PDSS2: variants seen among roughly 807,000 people sequenced by gnomAD.
PDSS2 encodes decaprenyl diphosphate synthase subunit 2, also known as all trans-polyprenyl-diphosphate synthase PDSS2.
In PDSS2, 31 loss-of-function variants were observed where a neutral mutation model predicts 44.5. The ratio of observed to expected loss-of-function variants is 0.70; its 90% CI spans 0.52 to 0.94. The LOEUF is 0.94. PDSS2 is among the 40% of genes least tolerant of loss of function. PDSS2 has a pLI of 0.00. For synonymous variants in PDSS2, 157 were observed against 180.3 expected (o/e 0.87, Z 1.03); for missense variants, 452 against 482.2 (o/e 0.94, Z 0.59).
At chr6:107,201,665 T>C (rs1772783331) in intron 6 of PDSS2, among the ~76,000 whole-genome samples, 1 of 152,188 alleles carries the variant, frequency 6.6e-6, no homozygotes, top group African/African-American at 2.4e-5. Flanking sequence ...GACACCTTTT[T>C]CTAAAAGCAG....
At chr6:107,368,853 A>G (rs1048062637) in intron 1 of PDSS2, among the ~76,000 whole-genome samples, 1 of 152,226 alleles carries the variant, frequency 6.6e-6, no homozygotes, top group Non-Finnish European at 1.5e-5. Context: ...CAAAGTGCCT[A>G]GAATAGGCAA....
Position 107,216,792 on chromosome 6 carries a change from G to C in PDSS2, c.703-4510C>G, listed in dbSNP as rs569007413. Among the ~76,000 whole-genome samples the C allele has an allele frequency of 5.3e-5, 8 of 152,184 alleles. No individual in the cohort carries two copies. The South Asian group carries it at 1.7e-3, about 32-fold the overall frequency. ...AATGAATGTGTGTGTGTTGGGGGAG[G>C]GGTGGAGAGGGACAGCAAATTTTGT... is the stretch of plus-strand genomic sequence containing the variant. On this transcript the variant is annotated intron_variant, in intron 4 of 7. Coordinates refer to ENST00000369037, the MANE Select transcript of PDSS2 (RefSeq NM_020381.4).
intron 1 of PDSS2, among the ~76,000 whole-genome samples, chr6:107,393,289 T>C (rs1008274614): frequency 6.6e-5 from 10 of 152,182 alleles, no homozygotes; most frequent in African/African-American, 2.4e-4. Flanking sequence ...TATTGTTTAA[T>C]TTCTAAATAT....
intron 7 of PDSS2, among the ~76,000 whole-genome samples, chr6:107,157,183 T>G (rs1554245808): frequency 6.6e-6 from 1 of 151,996 alleles, no homozygotes; most frequent in Non-Finnish European, 1.5e-5. Flanking sequence ...TTTCCTCCTT[T>G]ATTTATTTAT....
At chr6:107,346,889 T>C (rs1277754255) in intron 1 of PDSS2, among the ~76,000 whole-genome samples, 1 of 152,214 alleles carries the variant, frequency 6.6e-6, no homozygotes, top group African/African-American at 2.4e-5. Context: ...TTGATAGAGT[T>C]CGACCAGCAG....
chr6:107,204,166 C>T (rs558124480), intron 6 of PDSS2, among the ~76,000 whole-genome samples: 4 of 152,204 alleles, frequency 2.6e-5, no homozygotes, highest in African/African-American at 9.6e-5. Context: ...TGGTCTCGAT[C>T]TCCTGACCTC....
intron 7 of PDSS2, among the ~76,000 whole-genome samples, chr6:107,175,325 T>G (rs1771751629): frequency 6.6e-6 from 1 of 152,164 alleles, no homozygotes; most frequent in Non-Finnish European, 1.5e-5. Context: ...TTATTTTCAT[T>G]TTACAAAGGA....
intron 2 of PDSS2, among the ~76,000 whole-genome samples, chr6:107,276,497 T>C (rs1775789059): frequency 6.6e-6 from 1 of 152,168 alleles, no homozygotes; most frequent in Admixed American, 6.5e-5. Flanking sequence ...GCCACATCCA[T>C]ATCGAGACCT....
chr6:107,241,988 T>G (rs2114788354), intron 4 of PDSS2, among the ~76,000 whole-genome samples: 1 of 152,322 alleles, frequency 6.6e-6, no homozygotes, highest in Non-Finnish European at 1.5e-5. Context: ...TGCTTCCCAG[T>G]CCTGCCAGAA....
Position 107,155,672 on chromosome 6 carries a change from C to T in PDSS2, c.1042-895G>A, listed in dbSNP as rs782805739. Among the ~76,000 whole-genome samples the T allele has an allele frequency of 3.3e-4, 50 of 149,954 alleles. 1 individual carries two copies. In the East Asian group the frequency reaches 7.1e-3, roughly 21 times the overall value. On this transcript the variant is annotated intron_variant, in intron 7 of 7. Transcript: ENST00000369037. ...TCTGCTCACAGCAACCTTCGCCTCT[C>T]GGGTTCAAGCGATTATCCTGCCTCA...
chr6:107,210,091 A>G (rs1003308737), intron 6 of PDSS2, among the ~76,000 whole-genome samples: 8 of 152,138 alleles, frequency 5.3e-5, no homozygotes, highest in Non-Finnish European at 1.2e-4. Context: ...GCGAGAGTCC[A>G]CAGATGGGAA....
intron 2 of PDSS2, among the ~76,000 whole-genome samples, chr6:107,332,683 C>T (rs1777751104): frequency 6.6e-6 from 1 of 151,916 alleles, no homozygotes; most frequent in Non-Finnish European, 1.5e-5. Flanking sequence ...CAACTCTCCC[C>T]ATTACCAGTT....
In PDSS2 at chr6:107,210,574, C is replaced by T. The variant is rs1562377668; in HGVS notation, c.877-4G>A. 3 of 1,581,152 alleles carry T rather than the reference C, an allele frequency of 1.9e-6. No homozygotes were observed. Among genetic ancestry groups the T allele is most frequent in the African/African-American group, 2.7e-5 (2 of 74,296 alleles). On this transcript the variant is annotated splice_region_variant and splice_polypyrimidine_tract_variant and intron_variant, in intron 5 of 7. Transcript: ENST00000369037. ...AAGGCTGGACATCAGAATTTATCTA[C>T]AAGAAGCAATTAAATGAGTAAATTA... is the stretch of plus-strand genomic sequence containing the variant.
At chr6:107,297,819 C>G (rs1044085488) in intron 2 of PDSS2, among the ~76,000 whole-genome samples, 1 of 152,196 alleles carries the variant, frequency 6.6e-6, no homozygotes, top group African/African-American at 2.4e-5. Flanking sequence ...AATCTCCGCT[C>G]ACTGCAACCT....
chr6:107,207,015 C>T (rs1409518331), intron 6 of PDSS2, among the ~76,000 whole-genome samples: 3 of 148,264 alleles, frequency 2.0e-5, no homozygotes, highest in African/African-American at 5.0e-5. Flanking sequence ...TTTTTTTAGA[C>T]GGAGTCTTGT....
At chr6:107,287,302 T>C (rs759260775) in intron 2 of PDSS2, among the ~76,000 whole-genome samples, 3 of 152,144 alleles carry the variant, frequency 2.0e-5, no homozygotes, top group Non-Finnish European at 4.4e-5. Flanking sequence ...ACCACTTCCT[T>C]TACCTTTCAC....
chr6:107,364,850 A>G (rs765707689), intron 1 of PDSS2, among the ~76,000 whole-genome samples: 4 of 152,248 alleles, frequency 2.6e-5, no homozygotes, highest in Non-Finnish European at 5.9e-5. Context: ...TTTATCATGT[A>G]CACAGGAATA....
intron 3 of PDSS2, among the ~76,000 whole-genome samples, chr6:107,258,328 C>G (rs926872277): frequency 1.3e-5 from 2 of 152,034 alleles, no homozygotes; most frequent in Non-Finnish European, 2.9e-5. Flanking sequence ...ATGTGTCATG[C>G]CATTTTCAGG....
intron 1 of PDSS2, among the ~76,000 whole-genome samples, chr6:107,370,328 C>A (rs1779093379): frequency 6.6e-6 from 1 of 152,148 alleles, no homozygotes; most frequent in Non-Finnish European, 1.5e-5. Context: ...GTGAAAGCAT[C>A]AGCAACTCTT....
Sources: gnomAD v4.1 joint callset for allele counts (sites outside exome capture counted in the v4.1 genomes callset) on GRCh38, gnomAD v4.1.1 for gene constraint, MANE v1.5 for transcripts, NCBI Gene and HGNC (gene_info 2026-07-23, HGNC 2026-07-21) for gene names.